The following RBM27 variants were observed in gnomAD, a reference collection of about 807,000 sequenced individuals.
RBM27 encodes the protein RNA binding motif protein 27.
Under a neutral mutation model 135.3 loss-of-function variants are expected in RBM27, and 22 were observed. That is an observed-to-expected ratio of 0.16 (90% confidence interval 0.12 to 0.23). RBM27 has a LOEUF of 0.23. Ranked by LOEUF, RBM27 falls within the 10% of genes least tolerant of loss-of-function variation. The probability of loss-of-function intolerance (pLI) is 1.00; values close to 1 mark genes in which losing one functional copy is unlikely to be tolerated. For missense variants in RBM27, 1,009 were observed against 1,281.0 expected, an observed-to-expected ratio of 0.79 and a Z score of 3.24; for synonymous variants, 481 against 442.4, an observed-to-expected ratio of 1.09 and a Z score of -1.10.
chr5:146,216,156 A>C (rs556251141), intron 1 of RBM27, among the ~76,000 whole-genome samples: 4 of 152,300 alleles, frequency 2.6e-5, no homozygotes, highest in African/African-American at 9.6e-5. Context: ...TCTTGGGCTC[A>C]TGTGATTCTC....
At chr5:146,206,362 TAGGC>T (rs1755652639) in intron 1 of RBM27, among the ~76,000 whole-genome samples, 1 of 149,772 alleles carries the variant, frequency 6.7e-6, no homozygotes, top group Non-Finnish European at 1.5e-5. Context: ...TCTTCTTGCT[TAGGC>T]TTTTTTTTTT....
rs1561556052 is a variant in RBM27, at chr5:146,261,141, GT to G, written c.1893+247del. On this transcript the variant is annotated intron_variant, in intron 12 of 20. Transcript: ENST00000265271. Reference sequence around the variant, plus strand: ...CTGAAAGAGAATGGGTAGCCTCACAGTTTTGGAGACTGAGAAGTCCAAGATC... The same window carrying G: ...CTGAAAGAGAATGGGTAGCCTCACAGTTTGGAGACTGAGAAGTCCAAGATC... 7.2e-5 allele frequency among the ~76,000 whole-genome samples: 11 copies of G among 152,322 alleles called. No homozygotes were observed. In the South Asian group the frequency reaches 1.9e-3, roughly 26 times the overall value.
At chr5:146,267,026 T>G (rs1184518122) in intron 14 of RBM27, among the ~76,000 whole-genome samples, 1 of 152,210 alleles carries the variant, frequency 6.6e-6, no homozygotes, top group Non-Finnish European at 1.5e-5. Flanking sequence ...TATTTGGCAC[T>G]TCACTTACGA....
intron 8 of RBM27, among the ~76,000 whole-genome samples, chr5:146,240,556 A>C (rs946804578): frequency 1.3e-5 from 2 of 152,092 alleles, no homozygotes; most frequent in African/African-American, 4.8e-5. Flanking sequence ...CGAACTCCTG[A>C]CCTCAGGTGA....
Position 146,223,484 on chromosome 5 carries a change from A to C in RBM27, c.260A>C (p.Glu87Ala). 1 of 1,609,746 alleles carries C rather than the reference A, an allele frequency of 6.2e-7. No homozygotes were observed. Among genetic ancestry groups the C allele is most frequent in the East Asian group, 2.2e-5 (1 of 44,554 alleles). ...YLPLLEPVKPEPKPLVQEKEE... is the reference protein window; with the variant it reads ...YLPLLEPVKPAPKPLVQEKEE... ...CCACTTTTGGAACCAGTAAAGCCTG[A>C]GCCAAAACCACTAGTCCAAGAAAAA... Residue 87 changes from glutamate to alanine, a missense_variant, in exon 3 of 21, where the codon GAG becomes GCG. By Grantham distance (107) the Glu-to-Ala change is moderately radical (BLOSUM62 -1). Coordinates refer to ENST00000265271, the MANE Select transcript of RBM27 (RefSeq NM_018989.2).
intron 6 of RBM27, among the ~76,000 whole-genome samples, chr5:146,232,800 C>T (rs1460165957): frequency 1.3e-5 from 2 of 152,184 alleles, no homozygotes; most frequent in East Asian, 3.9e-4. Flanking sequence ...GTTTCTTGAC[C>T]TCGTGATCTG....
rs371826086 is a variant in RBM27, at chr5:146,233,651, C to G, written c.1052C>G (p.Pro351Arg). Reference sequence around the variant, plus strand: ...CCGGGCCCAGGTCCAGGCCCAGGCCCGGGCCCAGGTCCAGGTCCTGGCCAT... The same window carrying G: ...CCGGGCCCAGGTCCAGGCCCAGGCCGGGGCCCAGGTCCAGGTCCTGGCCAT... ...PGPGPGPGPG[P>R]GPGPGPGHSM... The change falls in exon 7 of 21, where the codon CCG becomes CGG. Residue 351 changes from proline to arginine, a missense_variant. By Grantham distance (103) the Pro-to-Arg change is moderately radical (BLOSUM62 -2). Around this residue, in one of 6 missense-constraint regions of RBM27, gnomAD observed 329 missense variants for 368.1 expected, o/e 0.89. Coordinates refer to ENST00000265271, the MANE Select transcript of RBM27 (RefSeq NM_018989.2). 3 of 1,565,984 alleles carry G rather than the reference C, an allele frequency of 1.9e-6. No homozygotes were observed. Among genetic ancestry groups the G allele is most frequent in the Non-Finnish European group, 2.6e-6 (3 of 1,164,992 alleles).
intron 8 of RBM27, among the ~76,000 whole-genome samples, chr5:146,244,038 TA>T (rs761239201): frequency 1.3e-5 from 2 of 150,904 alleles, no homozygotes; most frequent in East Asian, 1.9e-4. Context: ...CTATTACAGC[TA>T]AAAAAAAACC....
Position 146,203,839 on chromosome 5 carries a change from C to T in RBM27, c.59+15C>T. The T allele has an allele frequency of 7.9e-7, 1 of 1,271,866 alleles. No homozygotes were observed. Among genetic ancestry groups the T allele is most frequent in the Non-Finnish European group, 1.0e-6 (1 of 975,534 alleles). 78.8% of individuals were successfully genotyped at this position (1,271,866 alleles called of 1,614,324 possible). On this transcript the variant is annotated intron_variant, in intron 1 of 20. Transcript: ENST00000265271. ...CTGGAGCCGATGTGAGTGAGCCGGGCTGGGCCGGGGCCGGCGAACGTGGGC... is the reference window on the plus strand; with the variant it reads ...CTGGAGCCGATGTGAGTGAGCCGGGTTGGGCCGGGGCCGGCGAACGTGGGC...
chr5:146,267,848 C>G, intron 15 of RBM27, 80 bp downstream of exon 15: 1 of 1,414,604 alleles, frequency 7.1e-7, no homozygotes, highest in Non-Finnish European at 9.8e-7. Flanking sequence ...ACTTTTAAAT[C>G]AGTTCATGTT....
At chr5:146,233,259 A>G (rs17104331) in intron 6 of RBM27, among the ~76,000 whole-genome samples, 191 bp from the exon 7 acceptor site, 10,140 of 152,142 alleles carry the variant, frequency 0.067, 387 homozygotes, top group African/African-American at 0.082. Flanking sequence ...TCATAGTGTA[A>G]AAAGTAGAGA....
chr5:146,222,724 G>A (rs572623419), intron 2 of RBM27, among the ~76,000 whole-genome samples: 2 of 152,176 alleles, frequency 1.3e-5, no homozygotes, highest in South Asian at 4.1e-4. Context: ...AATATTTGAC[G>A]TTAATACTTT....
intron 8 of RBM27, among the ~76,000 whole-genome samples, chr5:146,241,307 T>G (rs1010073322): frequency 2.0e-5 from 3 of 152,222 alleles, no homozygotes; most frequent in Non-Finnish European, 2.9e-5. Context: ...ATAAATAAAT[T>G]AATTTGGCAA....
At position 146,203,654 on chromosome 5, in the gene RBM27, GC is replaced by G; in HGVS notation, c.-109del. ...GGAGTAGGTTGAAGTCTCCTAAGAT[GC>G]CCGGTGGGCTGGGGCACCGGGAGCT... is the stretch of plus-strand genomic sequence containing the variant. On this transcript the variant is annotated 5_prime_UTR_variant, in exon 1 of 21. It removes the in-frame stop codon of an upstream open reading frame in the 5' UTR. Coordinates refer to ENST00000265271, the MANE Select transcript of RBM27 (RefSeq NM_018989.2). 2 of 981,438 alleles carry G rather than the reference GC, an allele frequency of 2.0e-6. No individual in the cohort carries two copies. Among genetic ancestry groups the G allele is most frequent in the Non-Finnish European group, 3.1e-6 (2 of 637,940 alleles). 60.8% of individuals were successfully genotyped at this position (981,438 alleles called of 1,614,324 possible).
chr5:146,275,380 C>T (rs1158465242), intron 19 of RBM27, among the ~76,000 whole-genome samples: 1 of 151,870 alleles, frequency 6.6e-6, no homozygotes, highest in African/African-American at 2.4e-5. Flanking sequence ...AAGTGATTCA[C>T]CTACCTCAGT....
intron 8 of RBM27, among the ~76,000 whole-genome samples, chr5:146,238,460 A>T (rs1757263574): frequency 2.0e-5 from 3 of 152,230 alleles, no homozygotes; most frequent in Admixed American, 6.5e-5. Context: ...GTGAGCCGAG[A>T]TCGTGCCACT....
At position 146,286,612 on chromosome 5, in the gene RBM27, C is replaced by G. The variant is rs1370921334; in HGVS notation, c.*582C>G. 6.6e-6 allele frequency: 1 copy of G among 151,004 alleles called. No individual in the cohort carries two copies. Among genetic ancestry groups the G allele is most frequent in the Non-Finnish European group, 1.5e-5 (1 of 67,908 alleles). The allele number at this position is 151,004 out of a possible 1,614,324, so 9.4% of individuals were successfully genotyped here. A position where few individuals can be genotyped will look rare whatever the true frequency, so the allele number is the denominator to read the frequency against. On this transcript the variant is annotated 3_prime_UTR_variant, in exon 21 of 21. Coordinates refer to ENST00000265271, the MANE Select transcript of RBM27 (RefSeq NM_018989.2). ...TTCATGGTTTTTATGTGTGGTAGTA[C>G]TAGTTCAGTGAAAATCACAACAAAC...
chr5:146,260,311 A>AT (rs570752958), intron 11 of RBM27, among the ~76,000 whole-genome samples: 5 of 134,718 alleles, frequency 3.7e-5, no homozygotes, highest in Admixed American at 6.8e-5. Flanking sequence ...AAAAAAAAAA[A>AT]GAAGAATGTG....
In RBM27 at chr5:146,266,163, G is replaced by A. The variant is rs192043123; in HGVS notation, c.2332-1486G>A. Among the ~76,000 whole-genome samples, 381 of 152,262 alleles carry A rather than the reference G, an allele frequency of 2.5e-3. 4 individuals are homozygous for A. The highest frequency in any genetic ancestry group is 8.9e-3 in the African/African-American group (368 of 41,548). On this transcript the variant is annotated intron_variant, in intron 14 of 20. Coordinates refer to ENST00000265271, the MANE Select transcript of RBM27 (RefSeq NM_018989.2). ...GGGTGTCAAAGATTACTAGAGTCCT[G>A]TCAAAGAGAAAAACAAATCTGATCA...
Sources: allele counts gnomAD v4.1 joint callset (sites outside exome capture counted in the v4.1 genomes callset), GRCh38; gene constraint gnomAD v4.1.1; regional missense constraint gnomAD v4.1.1; transcripts MANE v1.5; gene names NCBI Gene and HGNC (gene_info 2026-07-23, HGNC 2026-07-21).